The following RAB40C variants were observed in gnomAD, a reference collection of about 807,000 sequenced individuals.
RAB40C encodes ras-related protein Rab-40C.
RAB40C carries 8 observed loss-of-function variants against 28.1 expected under a neutral mutation model. That is an observed-to-expected ratio of 0.28 (90% CI 0.17 to 0.51). The LOEUF (loss-of-function observed/expected upper bound fraction) is 0.51. Ranked by LOEUF, RAB40C falls within the 20% of genes least tolerant of loss-of-function variation. The probability of loss-of-function intolerance (pLI) is 0.97; values close to 1 mark genes in which losing one functional copy is unlikely to be tolerated. For missense variants in RAB40C, 288 were observed against 405.9 expected (o/e 0.71, Z 2.50); for synonymous variants, 201 against 171.7 (o/e 1.17, Z -1.34).
chr16:627,723 A>T lies in RAB40C; in HGVS notation c.*101A>T. On this transcript the variant is annotated 3_prime_UTR_variant, in exon 6 of 6. Transcript: ENST00000248139. ...TGCCGCCTACGTGGAGACTGTCCAC[A>T]CAGCTGCCTCAGAAGCGCCGGGCTT... 1 of 1,368,966 alleles carries T rather than the reference A, an allele frequency of 7.3e-7. No individual in the cohort carries two copies. The highest frequency in any genetic ancestry group is 2.5e-5 in the East Asian group (1 of 40,286). The allele number at this position is 1,368,966 out of a possible 1,614,324, so 84.8% of individuals were successfully genotyped here.
Position 629,186 on chromosome 16 carries a change from A to G in RAB40C, c.*1564A>G, listed in dbSNP as rs920909066. 2 of 231,560 alleles carry G rather than the reference A, an allele frequency of 8.6e-6. No homozygotes were observed. The highest frequency in any genetic ancestry group is 2.2e-5 in the African/African-American group (1 of 44,946). 14.3% of individuals were successfully genotyped at this position (231,560 alleles called of 1,614,324 possible). On this transcript the variant is annotated 3_prime_UTR_variant, in exon 6 of 6. Transcript: ENST00000248139. ...GTCCTGCATTCACGGCATCAACACT[A>G]CCCGCGCTGCTGTTAGACACTCCGC... is the stretch of plus-strand genomic sequence containing the variant.
chr16:607,062 G>C (rs2036374468), intron 1 of RAB40C, among the ~76,000 whole-genome samples: 2 of 152,196 alleles, frequency 1.3e-5, no homozygotes. Context: ...CGAGCCGAGG[G>C]TGCTACGCAG....
At chr16:624,246 T>C in intron 3 of RAB40C, 3 of 985,376 alleles carry the variant, frequency 3.0e-6, no homozygotes, top group Non-Finnish European at 3.6e-6. Context: ...GTTGTACGCT[T>C]TGGTGGCCCA....
intron 3 of RAB40C, among the ~76,000 whole-genome samples, chr16:622,469 G>A (rs145837399): frequency 0.012 from 1,844 of 152,314 alleles, 15 homozygotes; most frequent in South Asian, 0.018. Context: ...AGAGCAGGGC[G>A]AGCGCGCGTC....
chr16:624,185 C>T (rs952109275), intron 3 of RAB40C: 7 of 985,140 alleles, frequency 7.1e-6, no homozygotes, highest in Non-Finnish European at 8.4e-6. Flanking sequence ...TGTGGGCTTG[C>T]CATGCGGGAG....
At chr16:592,808 A>G (rs989869196) in intron 1 of RAB40C, among the ~76,000 whole-genome samples, 2 of 152,196 alleles carry the variant, frequency 1.3e-5, no homozygotes, top group Non-Finnish European at 2.9e-5. Flanking sequence ...CGCCTACCCA[A>G]CTGCACCACA....
intron 3 of RAB40C, chr16:624,025 T>C: frequency 5.1e-6 from 5 of 985,438 alleles, no homozygotes; most frequent in Non-Finnish European, 6.0e-6. Context: ...CATGCACGCT[T>C]TTACATGCAC....
At position 610,269 on chromosome 16, in the gene RAB40C, A is replaced by G. The variant is rs2036457102; in HGVS notation, c.143-6939A>G. Among the ~76,000 whole-genome samples, 1 of 152,154 alleles carries G rather than the reference A, an allele frequency of 6.6e-6. No homozygotes were observed. Reference sequence around the variant, plus strand: ...CCTGTGGAGCGGCTCTGACCAGGACAGTGCCGTGTGTCTCATGGGGTTGTG... The same window carrying G: ...CCTGTGGAGCGGCTCTGACCAGGACGGTGCCGTGTGTCTCATGGGGTTGTG... On this transcript the variant is annotated intron_variant, in intron 1 of 5. Transcript: ENST00000248139. This position sits in a 1 kb window ranked among gnomAD's most constrained non-coding sequence, Gnocchi z 4.6.
chr16:598,632 C>T (rs1389778568), intron 1 of RAB40C, among the ~76,000 whole-genome samples: 5 of 150,948 alleles, frequency 3.3e-5, no homozygotes, highest in East Asian at 3.9e-4. Context: ...GTCCCAATTA[C>T]TTGGGAGGCT....
chr16:594,883 G>T (rs916337583), intron 1 of RAB40C, among the ~76,000 whole-genome samples: 1 of 150,312 alleles, frequency 6.7e-6, no homozygotes, highest in Non-Finnish European at 1.5e-5. Flanking sequence ...GCAGTGGCGC[G>T]ATCTCGGCTC....
Position 590,256 on chromosome 16 carries a change from G to GGCAGGCGGCCGGTGCGGGGC in RAB40C, c.-24_-23insTGCGGGGCGCAGGCGGCCGG. On this transcript the variant is annotated 5_prime_UTR_variant, in exon 1 of 6. Transcript: ENST00000248139. ...CCGCGGCCTCACCCGGCGGTGCTTC[G>GGCAGGCGGCCGGTGCGGGGC]GCAGGCGGCCGGCGCGGGGCGCAGG... The GGCAGGCGGCCGGTGCGGGGC allele has an allele frequency of 7.0e-7, 1 of 1,419,442 alleles. No individual in the cohort carries two copies. The highest frequency in any genetic ancestry group is 9.2e-7 in the Non-Finnish European group (1 of 1,082,012). 87.9% of individuals were successfully genotyped at this position (1,419,442 alleles called of 1,614,324 possible). A position where few individuals can be genotyped will look rare whatever the true frequency, so the allele number is the denominator to read the frequency against.
intron 5 of RAB40C, among the ~76,000 whole-genome samples, chr16:626,880 G>A (rs1346225833): frequency 6.6e-6 from 1 of 152,270 alleles, no homozygotes; most frequent in East Asian, 1.9e-4. Context: ...GGAGGTTGCA[G>A]TGAGCGGAGA....
At chr16:598,953 C>T (rs568927578) in intron 1 of RAB40C, among the ~76,000 whole-genome samples, 89 of 152,288 alleles carry the variant, frequency 5.8e-4, no homozygotes, top group African/African-American at 1.9e-3. Context: ...TTTCCCTGCC[C>T]GGGGCCGGCG....
intron 1 of RAB40C, among the ~76,000 whole-genome samples, chr16:604,963 C>T (rs538424750): frequency 6.6e-6 from 1 of 152,116 alleles, no homozygotes; most frequent in South Asian, 2.1e-4. Flanking sequence ...GAGGCTGAGG[C>T]AGGACAATCA....
At chr16:598,430 G>A (rs184258505) in intron 1 of RAB40C, among the ~76,000 whole-genome samples, 30 of 151,256 alleles carry the variant, frequency 2.0e-4, no homozygotes, top group Admixed American at 7.3e-4. Flanking sequence ...GCGTGGTGGC[G>A]CATACCTGTA....
chr16:600,688 G>A (rs938811158), intron 1 of RAB40C, among the ~76,000 whole-genome samples: 1 of 152,178 alleles, frequency 6.6e-6, no homozygotes, highest in Non-Finnish European at 1.5e-5. Context: ...GGAGGCGGAG[G>A]TTGCAGTGAG....
chr16:619,486 G>C (rs539596986), intron 3 of RAB40C, among the ~76,000 whole-genome samples: 2 of 152,340 alleles, frequency 1.3e-5, no homozygotes, highest in East Asian at 3.9e-4. Context: ...TGGCGAATGT[G>C]AGGCCGGAAG....
chr16:605,535 C>T (rs2036342149), intron 1 of RAB40C, among the ~76,000 whole-genome samples: 1 of 152,210 alleles, frequency 6.6e-6, no homozygotes, highest in South Asian at 2.1e-4. Flanking sequence ...GTCTAGTTTT[C>T]ACGTCAATGG....
intron 1 of RAB40C, among the ~76,000 whole-genome samples, chr16:609,075 A>T (rs2036426576): frequency 6.6e-6 from 1 of 152,186 alleles, no homozygotes; most frequent in South Asian, 2.1e-4. Flanking sequence ...TGGCCTCACC[A>T]CTGCACTCCA....
Sources: gnomAD v4.1 joint callset for allele counts (sites outside exome capture counted in the v4.1 genomes callset) on GRCh38, gnomAD v4.1.1 for gene constraint, Gnocchi (gnomAD v3.1) non-coding constraint, MANE v1.5 for transcripts, NCBI Gene and HGNC (gene_info 2026-07-23, HGNC 2026-07-21) for gene names.